Variants in SYMPK observed in about 807,000 individuals in gnomAD.
SYMPK encodes symplekin.
Under a neutral mutation model 136.4 loss-of-function variants are expected in SYMPK, and 49 were observed. The observed-to-expected ratio is 0.36, with a 90% CI of 0.29 to 0.46. SYMPK has a LOEUF of 0.46. Among genes scored for constraint, SYMPK ranks in the 20% least tolerant of loss-of-function variants. The pLI is 1.00. For missense variants in SYMPK, 1,365 were observed against 1,690.0 expected, an observed-to-expected ratio of 0.81 and a Z score of 3.37; for synonymous variants, 766 against 713.0, an observed-to-expected ratio of 1.07 and a Z score of -1.19.
At chr19:45,833,179 G>A (rs752989036) in intron 11 of SYMPK, among the ~76,000 whole-genome samples, 19 of 151,860 alleles carry the variant, frequency 1.3e-4, no homozygotes, top group Non-Finnish European at 2.6e-4. Flanking sequence ...CTCCAGCCTG[G>A]GCCACAAGAG....
chr19:45,825,653 G>T (rs1351768440), intron 17 of SYMPK, among the ~76,000 whole-genome samples: 2 of 152,202 alleles, frequency 1.3e-5, no homozygotes, highest in Non-Finnish European at 2.9e-5. Context: ...CACACTGTCT[G>T]CCAGGTGTTG....
At chr19:45,828,589 C>A in intron 14 of SYMPK, 2 of 233,642 alleles carry the variant, frequency 8.6e-6, no homozygotes, top group Non-Finnish European at 1.7e-5. Flanking sequence ...AGCTGGAGGC[C>A]ACGGATAGGG....
At chr19:45,848,026 GA>G in intron 6 of SYMPK, 25 bp from the exon 7 acceptor site, 1 of 1,555,304 alleles carries the variant, frequency 6.4e-7, no homozygotes, top group Non-Finnish European at 8.7e-7. Flanking sequence ...GGAAGGAATG[GA>G]AGAGACACAC....
At chr19:45,855,998 T>C (rs1260952340) in intron 1 of SYMPK, among the ~76,000 whole-genome samples, 1 of 150,960 alleles carries the variant, frequency 6.6e-6, no homozygotes, top group Non-Finnish European at 1.5e-5. Flanking sequence ...AAAATATATA[T>C]GTTAAAAAAG....
intron 10 of SYMPK, 137 bp downstream of exon 10, chr19:45,838,324 A>C: frequency 9.1e-7 from 1 of 1,095,334 alleles, no homozygotes; most frequent in Non-Finnish European, 1.3e-6. Context: ...CAGAACTGTA[A>C]GCCAATTAAA....
At position 45,823,368 on chromosome 19, in the gene SYMPK, A is replaced by T; in HGVS notation, c.2700+4T>A. ...CAGGGACAAACAGGCCTCCAGCTCC[A>T]TACCTTCTCCAGCCCATTGAGCACC... On this transcript the variant is annotated splice_donor_region_variant and intron_variant, in intron 20 of 26. Coordinates refer to ENST00000245934, the MANE Select transcript of SYMPK (RefSeq NM_004819.3). 1 of 1,613,810 alleles carries T rather than the reference A, an allele frequency of 6.2e-7. No homozygotes were observed. The highest frequency in any genetic ancestry group is 8.5e-7 in the Non-Finnish European group (1 of 1,179,936).
At chr19:45,845,547 G>T (rs1013811755) in intron 7 of SYMPK, among the ~76,000 whole-genome samples, 8 of 152,030 alleles carry the variant, frequency 5.3e-5, no homozygotes, top group Non-Finnish European at 1.0e-4. Context: ...TTTTATGGCT[G>T]AATAGTATTC....
intron 13 of SYMPK, among the ~76,000 whole-genome samples, chr19:45,829,565 C>T (rs1379151660): frequency 6.6e-6 from 1 of 151,940 alleles, no homozygotes; most frequent in Non-Finnish European, 1.5e-5. Context: ...GATCTGGATT[C>T]CCCGGAAATA....
At chr19:45,851,964 CA>C (rs1170415880) in intron 5 of SYMPK, among the ~76,000 whole-genome samples, 7 of 152,120 alleles carry the variant, frequency 4.6e-5, no homozygotes, top group Non-Finnish European at 8.8e-5. Context: ...AGAAGGGAGC[CA>C]GAGAGAGACC....
At chr19:45,830,342 G>T in intron 12 of SYMPK, 138 bp from the exon 13 acceptor site, 1 of 984,728 alleles carries the variant, frequency 1.0e-6, no homozygotes, top group Non-Finnish European at 1.5e-6. Context: ...GTTCCTCTGT[G>T]TCTCTGAGGC....
chr19:45,857,766 C>T (rs554767842), intron 1 of SYMPK, among the ~76,000 whole-genome samples: 55 of 150,970 alleles, frequency 3.6e-4, no homozygotes, highest in Non-Finnish European at 7.1e-4. Context: ...GCTGGGATTA[C>T]AGGCGTGAGC....
chr19:45,851,585 A>G (rs1291072933), intron 5 of SYMPK, among the ~76,000 whole-genome samples: 2 of 147,920 alleles, frequency 1.4e-5, no homozygotes, highest in Non-Finnish European at 3.0e-5. Context: ...CTCAAAAAAA[A>G]AAAAAAGGCC....
intron 9 of SYMPK, 85 bp downstream of exon 9, chr19:45,842,165 G>C (rs1657635225): frequency 6.4e-7 from 1 of 1,571,394 alleles, no homozygotes; most frequent in Non-Finnish European, 8.7e-7. Context: ...TATAATCTTA[G>C]TAAATACAAA....
chr19:45,843,994 G>A (rs756329773), intron 8 of SYMPK, 36 bp downstream of exon 8: 1 of 934,818 alleles, frequency 1.1e-6, no homozygotes, highest in East Asian at 3.6e-5. Flanking sequence ...GGCCAGTGAA[G>A]AGAAGGCAGG....
chr19:45,852,857 T>C (rs1313169723), intron 3 of SYMPK, among the ~76,000 whole-genome samples: 2 of 152,132 alleles, frequency 1.3e-5, no homozygotes, highest in East Asian at 3.9e-4. Context: ...AAGAGGAAAG[T>C]GCCCCAAGGC....
intron 23 of SYMPK, among the ~76,000 whole-genome samples, chr19:45,817,415 CTCTTTTTTTTTTTTT>C (rs1285303663): frequency 7.0e-5 from 7 of 100,196 alleles, no homozygotes; most frequent in Admixed American, 2.3e-4. Flanking sequence ...TTTTTTTGTT[CTCTTTTTTTTTTTTT>C]TTTTTTTTTT....
At chr19:45,826,136 G>A (rs752658859) in intron 17 of SYMPK, 90 bp downstream of exon 17, 17 of 1,509,554 alleles carry the variant, frequency 1.1e-5, no homozygotes, top group Admixed American at 4.0e-5. Flanking sequence ...ACTCGTGTCC[G>A]AGTGGCTTCC....
intron 1 of SYMPK, chr19:45,855,396 T>C (rs1277779151): frequency 6.6e-6 from 1 of 152,192 alleles, no homozygotes; most frequent in East Asian, 1.9e-4. Context: ...TAGCAGTATA[T>C]GTCAATTACA....
At chr19:45,850,304 G>A (rs577206475) in intron 5 of SYMPK, among the ~76,000 whole-genome samples, 1 of 152,248 alleles carries the variant, frequency 6.6e-6, no homozygotes. Context: ...GTGACCTTAA[G>A]AAAATTCACT....
Sources: gnomAD v4.1 joint callset for allele counts (sites outside exome capture counted in the v4.1 genomes callset) on GRCh38, gnomAD v4.1.1 for gene constraint, MANE v1.5 for transcripts, NCBI Gene and HGNC (gene_info 2026-07-23, HGNC 2026-07-21) for gene names.